Variants in COL4A4 observed in about 807,000 individuals in gnomAD.
COL4A4 encodes collagen type IV alpha 4 chain.
COL4A4 carries 105 observed loss-of-function variants against 192.9 expected under a neutral mutation model. The observed-to-expected ratio is 0.54, with a 90% CI of 0.46 to 0.64. COL4A4 has a LOEUF of 0.64. COL4A4 is among the 30% of genes least tolerant of loss of function. The probability of loss-of-function intolerance (pLI) is 0.00; values close to 1 mark genes in which losing one functional copy is unlikely to be tolerated. For synonymous variants in COL4A4, 762 were observed against 769.9 expected (o/e 0.99, Z 0.17); for missense variants, 1,967 against 2,169.3 (o/e 0.91, Z 1.85).
At chr2:227,001,528 A>G (rs1321008848), downstream of COL4A4, among the ~76,000 whole-genome samples, 2 of 152,206 alleles carry the variant, frequency 1.3e-5, no homozygotes, top group Admixed American at 1.3e-4. Flanking sequence ...GGAGCAATCC[A>G]GGACACCTCT....
chr2:226,994,342 T>G, the COL4A4 span, among the ~76,000 whole-genome samples: 3 of 152,118 alleles, frequency 2.0e-5, no homozygotes, highest in Non-Finnish European at 4.4e-5. Flanking sequence ...GGTGCAGAAA[T>G]GCCTACACAT....
intron 22 of COL4A4, among the ~76,000 whole-genome samples, chr2:227,087,156 G>C (rs1266978021): frequency 2.0e-5 from 3 of 152,180 alleles, no homozygotes; most frequent in Non-Finnish European, 2.9e-5. Flanking sequence ...TGAGCAATCA[G>C]ACAGCTGAGA....
At chr2:227,148,075 T>C (rs1238393683) in intron 1 of COL4A4, among the ~76,000 whole-genome samples, 5 of 152,298 alleles carry the variant, frequency 3.3e-5, no homozygotes, top group Admixed American at 6.5e-5. Flanking sequence ...TGATACAACC[T>C]CTGTGAAAAA....
intron 24 of COL4A4, among the ~76,000 whole-genome samples, chr2:227,080,054 T>C (rs554508757): frequency 6.6e-6 from 1 of 152,274 alleles, no homozygotes; most frequent in African/African-American, 2.4e-5. Flanking sequence ...CATGTGCATC[T>C]TCTCCAGGAA....
chr2:227,148,493 G>C (rs1305670932), intron 1 of COL4A4, among the ~76,000 whole-genome samples: 1 of 152,130 alleles, frequency 6.6e-6, no homozygotes, highest in African/African-American at 2.4e-5. Context: ...TTTGGGAGAG[G>C]AAAGAATTGA....
intron 43 of COL4A4, among the ~76,000 whole-genome samples, chr2:227,023,915 A>G (rs1195506659): frequency 6.6e-6 from 1 of 151,986 alleles, no homozygotes; most frequent in African/African-American, 2.4e-5. Context: ...CTGAGGGAGG[A>G]GAATCGCTTG....
At chr2:227,100,748 G>T (rs1177757542) in intron 17 of COL4A4, among the ~76,000 whole-genome samples, 2 of 151,762 alleles carry the variant, frequency 1.3e-5, no homozygotes, top group African/African-American at 4.8e-5. Context: ...CCCACCTGTT[G>T]TGGAAGGAAC....
intron 25 of COL4A4, among the ~76,000 whole-genome samples, chr2:227,073,517 C>T (rs2058837967): frequency 6.6e-6 from 1 of 151,928 alleles, no homozygotes; most frequent in Admixed American, 6.6e-5. Flanking sequence ...ATATGCACAT[C>T]ATTTTTCATA....
chr2:227,028,945 C>G (rs1456534599), intron 41 of COL4A4, among the ~76,000 whole-genome samples: 3 of 152,126 alleles, frequency 2.0e-5, no homozygotes, highest in Non-Finnish European at 4.4e-5. Flanking sequence ...TAGGCATGAA[C>G]CACTGAGTCA....
chr2:227,121,282 CT>C, intron 4 of COL4A4, 134 bp from the exon 5 acceptor site: 1 of 1,054,028 alleles, frequency 9.5e-7, no homozygotes, highest in Non-Finnish European at 1.4e-6. Flanking sequence ...AAACAAATGG[CT>C]GGAGATGGTG....
At chr2:227,057,721 A>C in intron 28 of COL4A4, 121 bp from the exon 29 acceptor site, 1 of 1,053,418 alleles carries the variant, frequency 9.5e-7, no homozygotes, top group Non-Finnish European at 1.4e-6. Flanking sequence ...CAGTGTTCAA[A>C]TGGGTTAAGT....
chr2:226,969,841 T>G, the COL4A4 span, among the ~76,000 whole-genome samples: 1 of 152,206 alleles, frequency 6.6e-6, no homozygotes, highest in Admixed American at 6.5e-5. Context: ...TTTTCTTGGT[T>G]TGTTTTCTTG....
At chr2:227,155,605 C>G (rs1315898365) in intron 1 of COL4A4, among the ~76,000 whole-genome samples, 2 of 152,168 alleles carry the variant, frequency 1.3e-5, no homozygotes, top group Non-Finnish European at 2.9e-5. Flanking sequence ...ACCTTTCAGA[C>G]CTCCTGGAAT....
At chr2:227,153,704 C>T (rs1009739072) in intron 1 of COL4A4, among the ~76,000 whole-genome samples, 3 of 151,802 alleles carry the variant, frequency 2.0e-5, no homozygotes, top group Admixed American at 6.6e-5. Flanking sequence ...ATACCCTGAC[C>T]GTAGAATTGG....
chr2:227,074,374 T>A (rs543892314), intron 25 of COL4A4, among the ~76,000 whole-genome samples: 4 of 151,872 alleles, frequency 2.6e-5, no homozygotes, highest in Non-Finnish European at 5.9e-5. Flanking sequence ...CTGCAAAAAA[T>A]GGCCATTATT....
At chr2:226,994,786 A>T in the COL4A4 span, among the ~76,000 whole-genome samples, 2 of 152,214 alleles carry the variant, frequency 1.3e-5, no homozygotes, top group Non-Finnish European at 2.9e-5. Context: ...TTGTATCATT[A>T]CAAACTGTGT....
At chr2:227,163,077 T>A (rs2064980662) in intron 1 of COL4A4, among the ~76,000 whole-genome samples, 1 of 152,234 alleles carries the variant, frequency 6.6e-6, no homozygotes, top group African/African-American at 2.4e-5. Flanking sequence ...GCAGCAAATA[T>A]CAGCAACACT....
At chr2:227,125,907 C>G (rs1015045769) in intron 4 of COL4A4, among the ~76,000 whole-genome samples, 1 of 152,036 alleles carries the variant, frequency 6.6e-6, no homozygotes, top group Non-Finnish European at 1.5e-5. Context: ...AGGGGAAGGC[C>G]GAGTCTAAGT....
At chr2:227,069,519 A>C (rs1210349591) in intron 25 of COL4A4, among the ~76,000 whole-genome samples, 7 of 151,768 alleles carry the variant, frequency 4.6e-5, no homozygotes. Context: ...ACCAAAACAG[A>C]GATATAGATC....
Sources: allele counts gnomAD v4.1 joint callset (sites outside exome capture counted in the v4.1 genomes callset), GRCh38; gene constraint gnomAD v4.1.1; transcripts MANE v1.5; gene names NCBI Gene and HGNC (gene_info 2026-07-23, HGNC 2026-07-21).